The following CDKN2B-AS1 variants were observed in gnomAD, a reference collection of about 807,000 sequenced individuals.
CDKN2B-AS1 encodes CDKN2B antisense RNA 1 (non-protein coding).
chr9:22,021,500 A>G (rs1822016660), intron 1 of CDKN2B-AS1, among the ~76,000 whole-genome samples: 1 of 152,322 alleles, frequency 6.6e-6, no homozygotes, highest in South Asian at 2.1e-4. Flanking sequence ...CACTGAATCT[A>G]TAAATTGCTT....
chr9:22,126,865 G>A (rs756716835), intron 4 of CDKN2B-AS1, among the ~76,000 whole-genome samples: 1 of 151,858 alleles, frequency 6.6e-6, no homozygotes, highest in Non-Finnish European at 1.5e-5. Flanking sequence ...AGAAGTGAGT[G>A]AATTCTAAGG....
chr9:22,078,334 C>G (rs1237138965), intron 4 of CDKN2B-AS1, among the ~76,000 whole-genome samples: 1 of 152,022 alleles, frequency 6.6e-6, no homozygotes, highest in Non-Finnish European at 1.5e-5. Flanking sequence ...AGCTAAAACC[C>G]CCATTTTCCC....
chr9:22,019,462 G>A (rs1237938306), intron 1 of CDKN2B-AS1, among the ~76,000 whole-genome samples: 1 of 152,152 alleles, frequency 6.6e-6, no homozygotes, highest in Non-Finnish European at 1.5e-5. Flanking sequence ...ACTGGAGATG[G>A]AAGATGAGGG....
At position 22,087,259 on chromosome 9, in the gene CDKN2B-AS1, G is replaced by C. The variant is rs983823356; in HGVS notation, n.438+30872G>C. On this transcript the variant is annotated intron_variant and non_coding_transcript_variant, in intron 4 of 4. Coordinates refer to ENST00000650946, the Ensembl canonical transcript of CDKN2B-AS1. The stretch of plus-strand genomic sequence containing the variant: ...AAAAAGTTGTGGTTTATACTTTCTT[G>C]ACTCTGGTCACTGTTGGGTGAAGAG... 5.9e-5 allele frequency among the ~76,000 whole-genome samples: 9 copies of C among 152,330 alleles called. No homozygotes were observed. The South Asian group carries it at 1.7e-3, about 28-fold the overall frequency.
Position 22,006,388 on chromosome 9 carries a change from T to C in CDKN2B-AS1, n.29+11227T>C, listed in dbSNP as rs1821191643. Reference sequence around the variant, plus strand: ...AGTGCAGAGGTGTTCAGGTCTCTGATGTCTGGTGTTTCTTCATTTGCTGAT... The same window carrying C: ...AGTGCAGAGGTGTTCAGGTCTCTGACGTCTGGTGTTTCTTCATTTGCTGAT... On this transcript the variant is annotated intron_variant and non_coding_transcript_variant, in intron 1 of 4. Transcript: ENST00000650946. The surrounding 1 kb of genome is among the most constrained non-coding windows in gnomAD (Gnocchi z 6.4). 1.7e-6 allele frequency: 2 copies of C among 1,151,404 alleles called. No individual in the cohort carries two copies. The highest frequency in any genetic ancestry group is 2.7e-5 in the South Asian group (2 of 74,318). The allele number at this position is 1,151,404 out of a possible 1,614,324, so 71.3% of individuals were successfully genotyped here. A position where few individuals can be genotyped will look rare whatever the true frequency, so the allele number is the denominator to read the frequency against.
intron 4 of CDKN2B-AS1, among the ~76,000 whole-genome samples, chr9:22,123,109 G>C (rs528374210): frequency 6.6e-6 from 1 of 151,928 alleles, no homozygotes; most frequent in Non-Finnish European, 1.5e-5. Context: ...TATTGTTTTC[G>C]TAGCTATTGT....
At chr9:22,086,859 A>G (rs72652418) in intron 4 of CDKN2B-AS1, among the ~76,000 whole-genome samples, 2 of 152,176 alleles carry the variant, frequency 1.3e-5, no homozygotes, top group Non-Finnish European at 1.5e-5. Context: ...CCAGATTTGT[A>G]TTACTTATTT....
intron 1 of CDKN2B-AS1, among the ~76,000 whole-genome samples, chr9:22,013,423 C>T (rs902474038): frequency 6.6e-5 from 10 of 151,940 alleles, no homozygotes; most frequent in African/African-American, 1.9e-4. Flanking sequence ...GTTGAAATTG[C>T]TACAGTCTCT....
At chr9:22,113,111 G>GT (rs1309860461) in intron 4 of CDKN2B-AS1, among the ~76,000 whole-genome samples, 1 of 152,194 alleles carries the variant, frequency 6.6e-6, no homozygotes, top group Non-Finnish European at 1.5e-5. Context: ...CAGTTCCTGT[G>GT]TGTCAGACCT....
Position 22,006,560 on chromosome 9 carries a change from T to C in CDKN2B-AS1, n.29+11399T>C, listed in dbSNP as rs1036997480. On this transcript the variant is annotated intron_variant and non_coding_transcript_variant, in intron 1 of 4. Coordinates refer to ENST00000650946, the Ensembl canonical transcript of CDKN2B-AS1. This position sits in a 1 kb window ranked among gnomAD's most constrained non-coding sequence, Gnocchi z 6.4. ...ACAAATCTTGATTTCCATTGGAACA[T>C]GGGAATCTATTTTGTTAAATGATTT... Among the ~76,000 whole-genome samples, 1 of 152,200 alleles carries C rather than the reference T, an allele frequency of 6.6e-6. No individual in the cohort carries two copies. The highest frequency in any genetic ancestry group is 2.4e-5 in the African/African-American group (1 of 41,440).
Position 22,005,883 on chromosome 9 carries a change from G to A in CDKN2B-AS1, n.29+10722G>A, listed in dbSNP as rs925666014. ...CTCAGACAGGCTTGCAGGCTTACAGGCTTTCCGCCGCTCCCCGTTGGCAGC... is the reference window on the plus strand; with the variant it reads ...CTCAGACAGGCTTGCAGGCTTACAGACTTTCCGCCGCTCCCCGTTGGCAGC... On this transcript the variant is annotated intron_variant and non_coding_transcript_variant, in intron 1 of 4. Coordinates refer to ENST00000650946, the Ensembl canonical transcript of CDKN2B-AS1. The surrounding 1 kb of genome is among the most constrained non-coding windows in gnomAD (Gnocchi z 4.9). 2.7e-6 allele frequency: 4 copies of A among 1,467,234 alleles called. No individual in the cohort carries two copies. The highest frequency in any genetic ancestry group is 1.8e-6 in the Non-Finnish European group (2 of 1,083,616). The allele number at this position is 1,467,234 out of a possible 1,614,324, so 90.9% of individuals were successfully genotyped here.
intron 1 of CDKN2B-AS1, among the ~76,000 whole-genome samples, chr9:22,043,388 T>C (rs1392425438): frequency 6.6e-6 from 1 of 151,852 alleles, no homozygotes; most frequent in Non-Finnish European, 1.5e-5. Context: ...TTTATAAGAT[T>C]TTTTTTTCTT....
intron 4 of CDKN2B-AS1, among the ~76,000 whole-genome samples, chr9:22,062,360 A>C (rs921845723): frequency 1.3e-5 from 2 of 152,254 alleles, no homozygotes; most frequent in Non-Finnish European, 2.9e-5. Context: ...TCTTTACAGC[A>C]TACAGGTCCC....
Position 22,093,129 on chromosome 9 carries a change from CGG to C in CDKN2B-AS1, n.439-33973_439-33972del, listed in dbSNP as rs1825153746. On this transcript the variant is annotated intron_variant and non_coding_transcript_variant, in intron 4 of 4. Transcript: ENST00000650946. Reference sequence around the variant, plus strand: ...GTAGTTCAGTTTCCATGTAGGTGAGCGGTTTTGAGTGAGTTTCTTAATCTTGA... The same window carrying C: ...GTAGTTCAGTTTCCATGTAGGTGAGCTTTTGAGTGAGTTTCTTAATCTTGA... Among the ~76,000 whole-genome samples, 4 of 150,538 alleles carry C rather than the reference CGG, an allele frequency of 2.7e-5. No homozygotes were observed. In the South Asian group the frequency reaches 8.6e-4, roughly 32 times the overall value.
intron 1 of CDKN2B-AS1, among the ~76,000 whole-genome samples, chr9:22,025,949 A>G (rs1339955403): frequency 6.6e-6 from 1 of 152,116 alleles, no homozygotes; most frequent in Non-Finnish European, 1.5e-5. Context: ...AACAGCAAAT[A>G]TGGTGGGCTG....
chr9:22,038,892 A>G (rs540602065), intron 1 of CDKN2B-AS1, among the ~76,000 whole-genome samples: 8 of 152,214 alleles, frequency 5.3e-5, no homozygotes, highest in Middle Eastern at 3.4e-3. Flanking sequence ...TAGTGTATGC[A>G]TAGTAAGTAT....
At chr9:22,049,815 T>C (rs1823266022) in intron 3 of CDKN2B-AS1, among the ~76,000 whole-genome samples, 1 of 152,196 alleles carries the variant, frequency 6.6e-6, no homozygotes, top group African/African-American at 2.4e-5. Context: ...CAAAATAATA[T>C]CTGTAAAGCG....
intron 4 of CDKN2B-AS1, among the ~76,000 whole-genome samples, chr9:22,064,542 T>C (rs536880044): frequency 6.6e-6 from 1 of 152,200 alleles, no homozygotes; most frequent in Non-Finnish European, 1.5e-5. Flanking sequence ...ATGAGGATTA[T>C]AGGAATGGAA....
At chr9:22,091,088 T>C (rs1351958091) in intron 4 of CDKN2B-AS1, among the ~76,000 whole-genome samples, 1 of 152,224 alleles carries the variant, frequency 6.6e-6, no homozygotes, top group Non-Finnish European at 1.5e-5. Flanking sequence ...TAGGGAATCC[T>C]TTCCCCATTG....
Sources: allele counts gnomAD v4.1 joint callset (sites outside exome capture counted in the v4.1 genomes callset), GRCh38; gene constraint gnomAD v4.1.1; non-coding constraint Gnocchi (gnomAD v3.1); transcripts MANE v1.5; gene names NCBI Gene and HGNC (gene_info 2026-07-23, HGNC 2026-07-21).